Variants in PCDHGA5 observed in about 807,000 individuals in gnomAD.
The protein encoded by PCDHGA5 is protocadherin gamma subfamily A, 5.
Under a neutral mutation model 56.7 loss-of-function variants are expected in PCDHGA5, and 36 were observed. The observed-to-expected ratio is 0.64, with a 90% CI of 0.49 to 0.84. The LOEUF (loss-of-function observed/expected upper bound fraction) is 0.84. PCDHGA5 is among the 40% of genes least tolerant of loss of function. The probability of loss-of-function intolerance (pLI) is 0.00; values close to 1 mark genes in which losing one functional copy is unlikely to be tolerated. For missense variants in PCDHGA5, 1,305 were observed against 1,201.5 expected, an observed-to-expected ratio of 1.09 and a Z score of -1.27; for synonymous variants, 563 against 520.2, an observed-to-expected ratio of 1.08 and a Z score of -1.12.
At chr5:141,386,329 GA>G (rs1445155662) in intron 1 of PCDHGA5, among the ~76,000 whole-genome samples, 4 of 152,150 alleles carry the variant, frequency 2.6e-5, no homozygotes, top group Non-Finnish European at 4.4e-5. Context: ...TTGTCATCCA[GA>G]AGGGGTGGAT....
At chr5:141,494,676 CT>C (rs2099756021) in intron 1 of PCDHGA5, 130 bp from the exon 2 acceptor site, 6 of 1,550,918 alleles carry the variant, frequency 3.9e-6, no homozygotes, top group Non-Finnish European at 4.4e-6. Context: ...GAGTCCACCC[CT>C]GCCCCCTCTT....
chr5:141,371,999 C>T (rs1243800762), intron 1 of PCDHGA5: 33 of 1,613,154 alleles, frequency 2.0e-5, no homozygotes, highest in Non-Finnish European at 2.8e-5. Flanking sequence ...TGCAGGCCCG[C>T]GACCAGGGCT....
chr5:141,375,952 G>C (rs1032808913), intron 1 of PCDHGA5: 7 of 1,613,514 alleles, frequency 4.3e-6, no homozygotes, highest in South Asian at 1.1e-5. Flanking sequence ...GCCTGCACAC[G>C]GGCGAGGTGC....
chr5:141,490,804 T>C lies in PCDHGA5; in HGVS notation c.2422-4003T>C. On this transcript the variant is annotated intron_variant, in intron 1 of 3. Coordinates refer to ENST00000518069, the MANE Select transcript of PCDHGA5 (RefSeq NM_018918.3). This position sits in a 1 kb window ranked among gnomAD's most constrained non-coding sequence, Gnocchi z 5.4. The stretch of plus-strand genomic sequence containing the variant: ...TGGACGGATCTTTGCCCAGCGTACC[T>C]TTGACTATGAATTGCTGCAGATGCT... 2 of 1,613,854 alleles carry C rather than the reference T, an allele frequency of 1.2e-6. No homozygotes were observed. Among genetic ancestry groups the C allele is most frequent in the Non-Finnish European group, 1.7e-6 (2 of 1,179,816 alleles).
At chr5:141,483,648 T>TTGTGTGTGTG (rs111458813) in intron 1 of PCDHGA5, among the ~76,000 whole-genome samples, 23 of 149,708 alleles carry the variant, frequency 1.5e-4, no homozygotes, top group African/African-American at 3.9e-4. Context: ...GGGTGTGTGT[T>TTGTGTGTGTG]TGTGTGTGTG....
chr5:141,385,212 C>T, intron 1 of PCDHGA5: 1 of 1,614,230 alleles, frequency 6.2e-7, no homozygotes, highest in Non-Finnish European at 8.5e-7. Context: ...TGATCTTCCC[C>T]CAGCCCAACT....
chr5:141,465,800 C>T (rs1486100601), intron 1 of PCDHGA5, among the ~76,000 whole-genome samples: 1 of 151,524 alleles, frequency 6.6e-6, no homozygotes, highest in African/African-American at 2.4e-5. Flanking sequence ...TTTAAGAAAC[C>T]CTTCAGGATC....
At chr5:141,375,761 C>A in intron 1 of PCDHGA5, 1 of 1,614,236 alleles carries the variant, frequency 6.2e-7, no homozygotes, top group Non-Finnish European at 8.5e-7. Flanking sequence ...TGACAATGCG[C>A]CCGAGATCCT....
Position 141,477,312 on chromosome 5 carries a change from TTACTTC to T in PCDHGA5, c.2422-17493_2422-17488del, listed in dbSNP as rs773034406. Reference sequence around the variant, plus strand: ...GTTCCACCGGGTCTCCCTTTCAGCCTTACTTCTTCCCTCAAGAATTACTTCACTTTG... The same window carrying T: ...GTTCCACCGGGTCTCCCTTTCAGCCTTTCCCTCAAGAATTACTTCACTTTG... On this transcript the variant is annotated intron_variant, in intron 1 of 3. Coordinates refer to ENST00000518069, the MANE Select transcript of PCDHGA5 (RefSeq NM_018918.3). The surrounding 1 kb of genome is among the most constrained non-coding windows in gnomAD (Gnocchi z 4.9). The T allele has an allele frequency of 2.5e-6, 4 of 1,614,162 alleles. No homozygotes were observed. Among genetic ancestry groups the T allele is most frequent in the Non-Finnish European group, 3.4e-6 (4 of 1,180,032 alleles).
At chr5:141,500,348 A>G (rs2099799436) in intron 2 of PCDHGA5, among the ~76,000 whole-genome samples, 1 of 151,950 alleles carries the variant, frequency 6.6e-6, no homozygotes, top group Non-Finnish European at 1.5e-5. Context: ...AGCTGGGACT[A>G]CAGGCGCCCA....
chr5:141,428,495 T>C (rs1023405537), intron 1 of PCDHGA5: 3 of 295,346 alleles, frequency 1.0e-5, no homozygotes, highest in African/African-American at 6.5e-5. Flanking sequence ...AATCTGTATG[T>C]TCCCTCGGAT....
rs1350353768 is a variant in PCDHGA5, at chr5:141,476,524, T to A, written c.2422-18283T>A. Reference sequence around the variant, plus strand: ...TCAACGACAACAATCCTGCTTTCCCTACCCAGGAAATGAAATTGGAGATTA... The same window carrying A: ...TCAACGACAACAATCCTGCTTTCCCAACCCAGGAAATGAAATTGGAGATTA... On this transcript the variant is annotated intron_variant, in intron 1 of 3. Coordinates refer to ENST00000518069, the MANE Select transcript of PCDHGA5 (RefSeq NM_018918.3). The surrounding 1 kb of genome is among the most constrained non-coding windows in gnomAD (Gnocchi z 7.6). The A allele has an allele frequency of 1.2e-5, 20 of 1,614,064 alleles. No homozygotes were observed. The highest frequency in any genetic ancestry group is 1.7e-5 in the Non-Finnish European group (20 of 1,180,036).
intron 3 of PCDHGA5, 149 bp downstream of exon 3, chr5:141,505,630 A>T: frequency 6.8e-7 from 1 of 1,480,262 alleles, no homozygotes; most frequent in East Asian, 2.4e-5. Flanking sequence ...AATTCCAAAC[A>T]TAAAGCCTGG....
At position 141,405,211 on chromosome 5, in the gene PCDHGA5, T is replaced by G. The variant is rs756004707; in HGVS notation, c.2421+38460T>G. On this transcript the variant is annotated intron_variant, in intron 1 of 3. Coordinates refer to ENST00000518069, the MANE Select transcript of PCDHGA5 (RefSeq NM_018918.3). ...GGGTTCGAGCTTTCCTACAGACCTA[T>G]TCTCAGGAGTTCTCCCTCACCGCTG... The G allele has an allele frequency of 7.4e-6, 12 of 1,613,432 alleles. No homozygotes were observed. In the South Asian group the frequency reaches 1.2e-4, roughly 16 times the overall value.
chr5:141,476,820 T>C lies in PCDHGA5; in HGVS notation c.2422-17987T>C, dbSNP rs368919360. 6.2e-7 allele frequency: 1 copy of C among 1,613,594 alleles called. No individual in the cohort carries two copies. Among genetic ancestry groups the C allele is most frequent in the African/African-American group, 1.3e-5 (1 of 75,066 alleles). The stretch of plus-strand genomic sequence containing the variant: ...AGCCTGCCTATTCACATCAAGGTGC[T>C]GGACGCGAATGACAATGCGCCTGTC... On this transcript the variant is annotated intron_variant, in intron 1 of 3. Transcript: ENST00000518069. This position sits in a 1 kb window ranked among gnomAD's most constrained non-coding sequence, Gnocchi z 7.6.
rs1370450155 is a variant in PCDHGA5, at chr5:141,431,480, G to T, written c.2422-63327G>T. On this transcript the variant is annotated intron_variant, in intron 1 of 3. Coordinates refer to ENST00000518069, the MANE Select transcript of PCDHGA5 (RefSeq NM_018918.3). This position sits in a 1 kb window ranked among gnomAD's most constrained non-coding sequence, Gnocchi z 4.8. Reference sequence around the variant, plus strand: ...TCTGGATGCGAACGACAACGCACCAGCGTTTGCTCAGCCCGAGTACCGCGC... The same window carrying T: ...TCTGGATGCGAACGACAACGCACCATCGTTTGCTCAGCCCGAGTACCGCGC... 3 of 1,613,924 alleles carry T rather than the reference G, an allele frequency of 1.9e-6. No individual in the cohort carries two copies. Among genetic ancestry groups the T allele is most frequent in the Non-Finnish European group, 2.5e-6 (3 of 1,179,990 alleles).
chr5:141,436,859 A>G (rs550974791), intron 1 of PCDHGA5, among the ~76,000 whole-genome samples: 7 of 152,250 alleles, frequency 4.6e-5, no homozygotes, highest in Non-Finnish European at 1.0e-4. Flanking sequence ...TTGAGAAGCC[A>G]CAGTTTTAGG....
chr5:141,370,449 C>A (rs376611019), intron 1 of PCDHGA5: 1 of 1,608,576 alleles, frequency 6.2e-7, no homozygotes, highest in African/African-American at 1.3e-5. Context: ...AATGCTATTT[C>A]TCTTCCTGCT....
Position 141,431,474 on chromosome 5 carries a change from G to C in PCDHGA5, c.2422-63333G>C. On this transcript the variant is annotated intron_variant, in intron 1 of 3. Coordinates refer to ENST00000518069, the MANE Select transcript of PCDHGA5 (RefSeq NM_018918.3). The surrounding 1 kb of genome is among the most constrained non-coding windows in gnomAD (Gnocchi z 4.8). The stretch of plus-strand genomic sequence containing the variant: ...GATGGTTCTGGATGCGAACGACAAC[G>C]CACCAGCGTTTGCTCAGCCCGAGTA... 6.2e-7 allele frequency: 1 copy of C among 1,613,842 alleles called. No individual in the cohort carries two copies. The highest frequency in any genetic ancestry group is 8.5e-7 in the Non-Finnish European group (1 of 1,179,958).
Sources: allele counts gnomAD v4.1 joint callset (sites outside exome capture counted in the v4.1 genomes callset), GRCh38; gene constraint gnomAD v4.1.1; non-coding constraint Gnocchi (gnomAD v3.1); transcripts MANE v1.5; gene names NCBI Gene and HGNC (gene_info 2026-07-23, HGNC 2026-07-21).